NFASC: variants seen among roughly 807,000 people sequenced by gnomAD.
NFASC encodes neurofascin homolog.
NFASC carries 43 observed loss-of-function variants against 147.5 expected under a neutral mutation model. The observed-to-expected ratio is 0.29, with a 90% confidence interval of 0.23 to 0.38. The LOEUF (loss-of-function observed/expected upper bound fraction) is 0.38, where lower values mean the gene tolerates loss of function less well. Among genes scored for constraint, NFASC ranks in the 10% least tolerant of loss-of-function variants. The pLI is 1.00. For missense variants in NFASC, 1,320 were observed against 1,689.0 expected (o/e 0.78, Z 3.83); for synonymous variants, 622 against 665.5 (o/e 0.93, Z 1.01).
rs1214104315 is a variant in NFASC, at chr1:205,014,387, C to T, written c.3491+1521C>T. 2.0e-5 allele frequency among the ~76,000 whole-genome samples: 3 copies of T among 152,342 alleles called. No individual in the cohort carries two copies. In the East Asian group the frequency reaches 5.8e-4, roughly 29 times the overall value. ...CTAAGAGCCCTAACCTGGGAAAAGGCTGAAATTAATACATCAGAGAAAGAA... is the reference window on the plus strand; with the variant it reads ...CTAAGAGCCCTAACCTGGGAAAAGGTTGAAATTAATACATCAGAGAAAGAA... On this transcript the variant is annotated intron_variant, in intron 29 of 29. Coordinates refer to ENST00000339876, the MANE Select transcript of NFASC (RefSeq NM_001005388.3).
intron 20 of NFASC, 39 bp from the exon 21 acceptor site, chr1:204,981,759 C>T (rs1345717606): frequency 1.4e-6 from 2 of 1,389,048 alleles, no homozygotes; most frequent in Non-Finnish European, 2.0e-6. Flanking sequence ...CTGGGCCCCT[C>T]TCTGGCAGCC....
chr1:204,979,684 G>T lies in NFASC; in HGVS notation c.2176+125G>T. ...ACTTCTCCAAGGCCCGGCCTCATCTGTGAGGCAGAGAGTAATAATAACACC... is the reference window on the plus strand; with the variant it reads ...ACTTCTCCAAGGCCCGGCCTCATCTTTGAGGCAGAGAGTAATAATAACACC... On this transcript the variant is annotated intron_variant, in intron 19 of 29. Coordinates refer to ENST00000339876, the MANE Select transcript of NFASC (RefSeq NM_001005388.3). This position sits in a 1 kb window ranked among gnomAD's most constrained non-coding sequence, Gnocchi z 6.0. 1.2e-6 allele frequency: 1 copy of T among 825,450 alleles called. No homozygotes were observed. Among genetic ancestry groups the T allele is most frequent in the Non-Finnish European group, 2.1e-6 (1 of 482,756 alleles). The allele number at this position is 825,450 out of a possible 1,614,324, so 51.1% of individuals were successfully genotyped here.
intron 10 of NFASC, among the ~76,000 whole-genome samples, chr1:204,970,074 CAAAAAAAAAAAAAAA>C (rs11307141): frequency 1.5e-5 from 1 of 65,474 alleles, no homozygotes; most frequent in Non-Finnish European, 2.7e-5. Flanking sequence ...GACTCCATCT[CAAAAAAAAAAAAAAA>C]AAAAAAAAAA....
intron 10 of NFASC, 24 bp from the exon 11 acceptor site, chr1:204,970,592 G>A: frequency 1.2e-6 from 2 of 1,613,152 alleles, no homozygotes; most frequent in Non-Finnish European, 1.7e-6. Context: ...TAACTCCCCT[G>A]CCTGTGTCTG....
chr1:204,931,791 C>T (rs1444034861), intron 2 of NFASC, among the ~76,000 whole-genome samples: 1 of 152,098 alleles, frequency 6.6e-6, no homozygotes, highest in Non-Finnish European at 1.5e-5. Context: ...TAGAGTCATC[C>T]TAGTCCAGTT....
intron 10 of NFASC, 115 bp from the exon 11 acceptor site, chr1:204,970,501 G>A: frequency 8.2e-7 from 1 of 1,214,648 alleles, no homozygotes; most frequent in Non-Finnish European, 1.2e-6. Flanking sequence ...GGCAGGTGGT[G>A]AGCACGTGGT....
intron 1 of NFASC, among the ~76,000 whole-genome samples, chr1:204,898,625 C>T (rs927102186): frequency 1.3e-5 from 2 of 152,194 alleles, no homozygotes; most frequent in Admixed American, 6.5e-5. Context: ...GCCCTGTATC[C>T]TTTCTTTCTG....
At chr1:204,855,098 A>G (rs886598202) in intron 1 of NFASC, among the ~76,000 whole-genome samples, 1 of 152,260 alleles carries the variant, frequency 6.6e-6, no homozygotes, top group Non-Finnish European at 1.5e-5. Context: ...AGTGAGGGAT[A>G]GAGCCAGGAT....
chr1:204,985,181 A>G lies in NFASC; in HGVS notation c.2471-2237A>G, dbSNP rs560181957. On this transcript the variant is annotated intron_variant, in intron 21 of 29. Coordinates refer to ENST00000339876, the MANE Select transcript of NFASC (RefSeq NM_001005388.3). ...AGCCTGGGAGACACTGGCGTGGCCA[A>G]CTGACCTGTGGCTTCTTACCCACTG... Among the ~76,000 whole-genome samples, 76 of 152,298 alleles carry G rather than the reference A, an allele frequency of 5.0e-4. 1 individual carries two copies. Among genetic ancestry groups the G allele is most frequent in the Admixed American group, 2.3e-3 (35 of 15,302 alleles).
chr1:204,974,115 C>T, intron 12 of NFASC, 64 bp from the exon 13 acceptor site: 1 of 1,346,554 alleles, frequency 7.4e-7, no homozygotes, highest in Non-Finnish European at 1.0e-6. Flanking sequence ...AGAGGTGAGA[C>T]CGAGGGGGAA....
chr1:204,865,265 G>C (rs979902756), intron 1 of NFASC, among the ~76,000 whole-genome samples: 2 of 152,186 alleles, frequency 1.3e-5, no homozygotes, highest in African/African-American at 4.8e-5. Context: ...CACAGTAACA[G>C]ATTAACAGCA....
At chr1:204,959,101 CT>C (rs2094549292) in intron 8 of NFASC, among the ~76,000 whole-genome samples, 1 of 145,978 alleles carries the variant, frequency 6.9e-6, no homozygotes, top group Non-Finnish European at 1.5e-5. Flanking sequence ...CTTCCTTTTT[CT>C]TTTTCACTTC....
chr1:204,971,924 G>C (rs1262587467), intron 11 of NFASC, among the ~76,000 whole-genome samples: 1 of 152,216 alleles, frequency 6.6e-6, no homozygotes, highest in Non-Finnish European at 1.5e-5. Context: ...CTCAGGACTT[G>C]CAGCTGAGCC....
chr1:204,932,582 C>T (rs1195341091), intron 2 of NFASC, among the ~76,000 whole-genome samples: 1 of 152,168 alleles, frequency 6.6e-6, no homozygotes, highest in Admixed American at 6.5e-5. Flanking sequence ...CAAACTACAG[C>T]CTCTGGGCCA....
At position 204,855,158 on chromosome 1, in the gene NFASC, T is replaced by C. The variant is rs1558502958; in HGVS notation, c.-200+26376T>C. Among the ~76,000 whole-genome samples the C allele has an allele frequency of 2.0e-5, 3 of 152,234 alleles. 1 individual carries two copies. The highest frequency in any genetic ancestry group is 7.2e-5 in the African/African-American group (3 of 41,466). ...TCCAGCAACAGTGCTCTTCGCACTA[T>C]CAGAGCTGCTGCATTAGTGTAGATA... On this transcript the variant is annotated intron_variant, in intron 1 of 29. Coordinates refer to ENST00000339876, the MANE Select transcript of NFASC (RefSeq NM_001005388.3).
rs191469420 is a variant in NFASC at position 204,978,756 on chromosome 1, G to C, written c.1877-212G>C. 1.1e-4 allele frequency among the ~76,000 whole-genome samples: 17 copies of C among 152,028 alleles called. No individual in the cohort carries two copies. In the East Asian group the frequency reaches 2.9e-3, roughly 26 times the overall value. Reference sequence around the variant, plus strand: ...TCCACACCCATTGATATTCTTTGTGGGGGGGGGCTGGGATTTCAGGAGTCT... The same window carrying C: ...TCCACACCCATTGATATTCTTTGTGCGGGGGGGCTGGGATTTCAGGAGTCT... On this transcript the variant is annotated intron_variant, in intron 17 of 29. Coordinates refer to ENST00000339876, the MANE Select transcript of NFASC (RefSeq NM_001005388.3).
At chr1:204,870,724 T>G in intron 1 of NFASC, 1 of 1,124,456 alleles carries the variant, frequency 8.9e-7, no homozygotes, top group Non-Finnish European at 1.1e-6. Flanking sequence ...AATAAACAAG[T>G]GTATTGTGTG....
intron 2 of NFASC, among the ~76,000 whole-genome samples, chr1:204,925,758 C>G (rs1051945378): frequency 2.6e-5 from 4 of 152,162 alleles, no homozygotes; most frequent in Admixed American, 6.5e-5. Context: ...GGCTTGCAAT[C>G]CACCCAATAG....
chr1:204,893,864 G>T (rs1268808965), intron 1 of NFASC, among the ~76,000 whole-genome samples: 5 of 152,208 alleles, frequency 3.3e-5, no homozygotes, highest in Admixed American at 1.3e-4. Context: ...GTAAAAGCTG[G>T]TGTGAATTAT....
Sources: allele counts gnomAD v4.1 joint callset (sites outside exome capture counted in the v4.1 genomes callset), GRCh38; gene constraint gnomAD v4.1.1; non-coding constraint Gnocchi (gnomAD v3.1); transcripts MANE v1.5; gene names NCBI Gene and HGNC (gene_info 2026-07-23, HGNC 2026-07-21).